The following PTPRD variants were observed in gnomAD, a reference collection of about 807,000 sequenced individuals.
The protein encoded by PTPRD is receptor-type tyrosine-protein phosphatase delta.
A neutral mutation model predicts 214.5 loss-of-function variants in PTPRD; 34 were observed. The ratio of observed to expected loss-of-function variants is 0.16; its 90% CI spans 0.12 to 0.21. The LOEUF (loss-of-function observed/expected upper bound fraction) is 0.21, where lower values mean the gene tolerates loss of function less well. Ranked by LOEUF, PTPRD falls within the 10% of genes least tolerant of loss-of-function variation. The pLI is 1.00. For missense variants in PTPRD, 2,545 were observed against 2,398.7 expected, an observed-to-expected ratio of 1.06 and a Z score of -1.27; for synonymous variants, 1,128 against 845.7, an observed-to-expected ratio of 1.33 and a Z score of -5.79.
At chr9:10,248,708 T>A (rs1467310515) in intron 3 of PTPRD, among the ~76,000 whole-genome samples, 1 of 152,036 alleles carries the variant, frequency 6.6e-6, no homozygotes, top group African/African-American at 2.4e-5. Flanking sequence ...AGAATACACT[T>A]TTGGACGTGC....
intron 2 of PTPRD, among the ~76,000 whole-genome samples, chr9:10,584,306 ACAGCTTAGTTTC>A (rs1320165397): frequency 2.0e-5 from 3 of 152,228 alleles, no homozygotes; most frequent in Non-Finnish European, 4.4e-5. Flanking sequence ...CTATCAAAAT[ACAGCTTAGTTTC>A]CACCAATGAG....
At chr9:8,367,437 A>T (rs1280590809) in intron 39 of PTPRD, among the ~76,000 whole-genome samples, 4 of 152,182 alleles carry the variant, frequency 2.6e-5, no homozygotes, top group African/African-American at 7.2e-5. Flanking sequence ...AAGCCCAAGG[A>T]CGCTGCTAAG....
At chr9:9,006,824 A>C (rs1210015634) in intron 11 of PTPRD, among the ~76,000 whole-genome samples, 2 of 151,978 alleles carry the variant, frequency 1.3e-5, no homozygotes, top group African/African-American at 4.8e-5. Context: ...ATGGAAAAAA[A>C]CTCTATTTAA....
intron 9 of PTPRD, among the ~76,000 whole-genome samples, chr9:9,332,403 T>C (rs186687755): frequency 1.6e-4 from 25 of 152,166 alleles, no homozygotes; most frequent in Non-Finnish European, 2.4e-4. Context: ...CCATTTTGTC[T>C]AGTTGCTATC....
intron 9 of PTPRD, among the ~76,000 whole-genome samples, chr9:9,257,724 C>T (rs1395555828): frequency 1.3e-5 from 2 of 151,910 alleles, no homozygotes; most frequent in Non-Finnish European, 2.9e-5. Context: ...TACAAGGTTA[C>T]AGTGACCTTT....
chr9:8,511,726 A>C (rs879280292), intron 21 of PTPRD, among the ~76,000 whole-genome samples: 7 of 152,172 alleles, frequency 4.6e-5, no homozygotes, highest in Non-Finnish European at 1.0e-4. Flanking sequence ...CTTTAATATT[A>C]TATTTAAGAA....
chr9:8,469,063 C>T (rs1427848648), intron 31 of PTPRD, among the ~76,000 whole-genome samples: 3 of 151,908 alleles, frequency 2.0e-5, no homozygotes, highest in Non-Finnish European at 4.4e-5. Flanking sequence ...ACAACCCATC[C>T]CGACCCAAAA....
At chr9:9,434,308 G>A (rs991348749) in intron 8 of PTPRD, among the ~76,000 whole-genome samples, 4 of 152,088 alleles carry the variant, frequency 2.6e-5, no homozygotes, top group African/African-American at 9.7e-5. Context: ...ACTTAACCAG[G>A]GAGGTGAAGT....
chr9:9,140,027 GATT>G, intron 10 of PTPRD, among the ~76,000 whole-genome samples: 1 of 151,964 alleles, frequency 6.6e-6, no homozygotes, highest in Non-Finnish European at 1.5e-5. Context: ...GAAGAGAATG[GATT>G]ATTTTGTTTG....
chr9:8,348,760 C>T (rs2074568128), intron 39 of PTPRD, among the ~76,000 whole-genome samples: 1 of 152,134 alleles, frequency 6.6e-6, no homozygotes, highest in South Asian at 2.1e-4. Context: ...TGACGCTGGA[C>T]CTTCTACCTC....
intron 7 of PTPRD, among the ~76,000 whole-genome samples, chr9:9,719,088 C>T (rs185503574): frequency 5.6e-4 from 86 of 152,224 alleles, no homozygotes; most frequent in Non-Finnish European, 1.0e-3. Context: ...TTTTTCCAGG[C>T]CTGTCCATGG....
chr9:8,386,343 T>A (rs2087032099), intron 37 of PTPRD, among the ~76,000 whole-genome samples: 2 of 152,144 alleles, frequency 1.3e-5, no homozygotes, highest in African/African-American at 4.8e-5. Flanking sequence ...TCTTTCCTTT[T>A]CTCCCCTCTT....
chr9:9,298,336 T>G (rs1050795897), intron 9 of PTPRD, among the ~76,000 whole-genome samples: 1 of 151,730 alleles, frequency 6.6e-6, no homozygotes, highest in Non-Finnish European at 1.5e-5. Context: ...TATATGCTGA[T>G]TCCCTGGAAT....
At position 10,305,612 on chromosome 9, in the gene PTPRD, G is replaced by T. The variant is rs568626011; in HGVS notation, c.-545+35351C>A. Among the ~76,000 whole-genome samples the T allele has an allele frequency of 2.0e-5, 3 of 152,144 alleles. No homozygotes were observed. The South Asian group carries it at 6.2e-4, about 32-fold the overall frequency. On this transcript the variant is annotated intron_variant, in intron 3 of 45. Coordinates refer to ENST00000381196, the MANE Select transcript of PTPRD (RefSeq NM_002839.4). ...CAACCCCATCAAAAAGTGGGTGAAG[G>T]ATATGAACACACACTTCTGAAAAGA...
chr9:10,478,812 A>C (rs2099079171), intron 2 of PTPRD, among the ~76,000 whole-genome samples: 1 of 151,802 alleles, frequency 6.6e-6, no homozygotes, highest in Non-Finnish European at 1.5e-5. Flanking sequence ...TATGGATCTG[A>C]ATGTTGCATT....
chr9:10,131,862 T>C (rs1277273570), intron 3 of PTPRD, among the ~76,000 whole-genome samples: 1 of 152,136 alleles, frequency 6.6e-6, no homozygotes, highest in Non-Finnish European at 1.5e-5. Context: ...TCCCATCGCT[T>C]TGTGACATCA....
intron 3 of PTPRD, among the ~76,000 whole-genome samples, chr9:10,261,279 C>G (rs1476225055): frequency 6.6e-6 from 1 of 151,472 alleles, no homozygotes; most frequent in East Asian, 1.9e-4. Context: ...GTGACACATG[C>G]TTTTTCAAAT....
At chr9:9,880,183 T>C (rs1303003219) in intron 5 of PTPRD, among the ~76,000 whole-genome samples, 1 of 152,144 alleles carries the variant, frequency 6.6e-6, no homozygotes, top group Non-Finnish European at 1.5e-5. Flanking sequence ...TCTTTCTCTA[T>C]TGCTTGCTGC....
intron 2 of PTPRD, among the ~76,000 whole-genome samples, chr9:10,473,125 T>C (rs1161238025): frequency 6.6e-6 from 1 of 152,170 alleles, no homozygotes; most frequent in East Asian, 1.9e-4. Flanking sequence ...TTGGCCGACA[T>C]AGAAATTTGG....
Sources: gnomAD v4.1 joint callset for allele counts (sites outside exome capture counted in the v4.1 genomes callset) on GRCh38, gnomAD v4.1.1 for gene constraint, MANE v1.5 for transcripts, NCBI Gene and HGNC (gene_info 2026-07-23, HGNC 2026-07-21) for gene names.